Variants in NDUFA10 observed in about 807,000 individuals in gnomAD.
NDUFA10 encodes the protein NADH dehydrogenase [ubiquinone] 1 alpha subcomplex subunit 10, mitochondrial.
Under a neutral mutation model 47.8 loss-of-function variants are expected in NDUFA10, and 40 were observed. That is an observed-to-expected ratio of 0.84 (90% CI 0.65 to 1.09). The LOEUF is 1.09. Among genes scored for constraint, NDUFA10 ranks in the 50% least tolerant of loss-of-function variants. NDUFA10 has a pLI of 0.00. For synonymous variants in NDUFA10, 183 were observed against 172.2 expected, an observed-to-expected ratio of 1.06 and a Z score of -0.49; for missense variants, 413 against 451.1, an observed-to-expected ratio of 0.92 and a Z score of 0.76.
Position 239,960,483 on chromosome 2 carries a change from CAA to C in NDUFA10, c.*633_*634del. ...TGAGGACGGCCACGTGAATCTTTCT[CAA>C]CGTCTCTCTTAAAACATATTGTTCT... On this transcript the variant is annotated 3_prime_UTR_variant, in exon 10 of 10. Transcript: ENST00000252711. The C allele has an allele frequency of 1.0e-6, 1 of 990,840 alleles. No homozygotes were observed. The highest frequency in any genetic ancestry group is 5.6e-5 in the Admixed American group (1 of 17,734). 61.4% of individuals were successfully genotyped at this position (990,840 alleles called of 1,614,324 possible).
chr2:239,921,181 G>C (rs1272233268), intron 4 of NDUFA10, among the ~76,000 whole-genome samples: 2 of 152,132 alleles, frequency 1.3e-5, no homozygotes, highest in African/African-American at 4.8e-5. Context: ...GAGCCGTGTA[G>C]GTAGGCGAGT....
intron 9 of NDUFA10, among the ~76,000 whole-genome samples, chr2:239,985,184 T>C (rs368295474): frequency 6.6e-6 from 1 of 152,104 alleles, no homozygotes; most frequent in East Asian, 1.9e-4. Flanking sequence ...AACCAAACGT[T>C]AGGGACCAGA....
At chr2:240,011,127 G>C (rs1349793784) in intron 6 of NDUFA10, among the ~76,000 whole-genome samples, 1 of 152,102 alleles carries the variant, frequency 6.6e-6, no homozygotes, top group Admixed American at 6.6e-5. Context: ...AGAAAGAAAG[G>C]GGGAAAAGAA....
At chr2:239,996,417 A>G (rs1301295425) in intron 8 of NDUFA10, among the ~76,000 whole-genome samples, 5 of 152,262 alleles carry the variant, frequency 3.3e-5, no homozygotes, top group Non-Finnish European at 4.4e-5. Flanking sequence ...CCTGGAGATT[A>G]AACAACACAC....
At chr2:240,002,724 A>T (rs922723379) in intron 8 of NDUFA10, among the ~76,000 whole-genome samples, 4 of 152,118 alleles carry the variant, frequency 2.6e-5, no homozygotes, top group Non-Finnish European at 5.9e-5. Context: ...CATTCCACTA[A>T]CTAGAAAACT....
chr2:239,916,936 G>A (rs1283756495), intron 4 of NDUFA10, among the ~76,000 whole-genome samples: 1 of 152,246 alleles, frequency 6.6e-6, no homozygotes, highest in Non-Finnish European at 1.5e-5. Context: ...GAGCCATGGG[G>A]TGCTGGCACC....
chr2:239,962,027 G>C (rs1419990425), intron 9 of NDUFA10, among the ~76,000 whole-genome samples: 1 of 152,236 alleles, frequency 6.6e-6, no homozygotes, highest in Non-Finnish European at 1.5e-5. Context: ...GCCTGTTCAT[G>C]AGGGTAGGCG....
intron 4 of NDUFA10, among the ~76,000 whole-genome samples, chr2:239,930,295 C>G (rs112533250): frequency 1.3e-5 from 2 of 151,166 alleles, no homozygotes; most frequent in Non-Finnish European, 2.9e-5. Flanking sequence ...TCCTCTGCCA[C>G]CCCTGCTCCT....
In NDUFA10 at chr2:239,927,478, G is replaced by C. The variant is rs562418453; in HGVS notation, c.295-32164C>G. ...GCACAGTCATGTCCCAGGCCCTCAC[G>C]TTCACTCCCCACCCACTGGCTGACT... On this transcript the variant is annotated intron_variant, in intron 4 of 5. Transcript: ENST00000419408. Among the ~76,000 whole-genome samples, 3 of 152,202 alleles carry C rather than the reference G, an allele frequency of 2.0e-5. No individual in the cohort carries two copies. In the South Asian group the frequency reaches 6.2e-4, roughly 32 times the overall value.
At chr2:239,921,329 C>G (rs1693975852) in intron 4 of NDUFA10, among the ~76,000 whole-genome samples, 1 of 126,492 alleles carries the variant, frequency 7.9e-6, no homozygotes, top group Admixed American at 8.0e-5. Flanking sequence ...GGCACTGACC[C>G]AAAGAGTGGA....
At position 239,934,609 on chromosome 2, in the gene NDUFA10, G is replaced by A. The variant is rs181488263; in HGVS notation, c.295-39295C>T. On this transcript the variant is annotated intron_variant, in intron 4 of 5. Transcript: ENST00000419408. ...AACATTTATCCCTGTTTTGTACTGG[G>A]AGCATTCAACATCCTCCTTGTTTGA... 3.7e-3 allele frequency among the ~76,000 whole-genome samples: 560 copies of A among 152,268 alleles called. 4 individuals carry two copies. Among genetic ancestry groups the A allele is most frequent in the Non-Finnish European group, 4.9e-3 (336 of 68,042 alleles).
intron 8 of NDUFA10, among the ~76,000 whole-genome samples, chr2:240,003,507 G>A (rs1195656580): frequency 6.6e-6 from 1 of 152,178 alleles, no homozygotes; most frequent in Non-Finnish European, 1.5e-5. Context: ...TCAGGCCAAG[G>A]GCTCGAGACT....
At chr2:239,895,995 A>G (rs1409132362) in intron 4 of NDUFA10, among the ~76,000 whole-genome samples, 2 of 152,210 alleles carry the variant, frequency 1.3e-5, no homozygotes, top group Non-Finnish European at 2.9e-5. Context: ...AAAAAGTACA[A>G]TAGGGTCTTT....
rs1694105275 is a variant in NDUFA10, at chr2:239,928,598, C to T, written c.295-33284G>A. ...GCGACATCTCGTTTCCAACTATGCT[C>T]TCCCCACAGGTGACCTCATCCAGGG... is the stretch of plus-strand genomic sequence containing the variant. On this transcript the variant is annotated intron_variant, in intron 4 of 5. Coordinates refer to the NDUFA10 transcript ENST00000419408. This position sits in a 1 kb window ranked among gnomAD's most constrained non-coding sequence, Gnocchi z 4.3. 6.6e-6 allele frequency among the ~76,000 whole-genome samples: 1 copy of T among 152,172 alleles called. No individual in the cohort carries two copies. Among genetic ancestry groups the T allele is most frequent in the Non-Finnish European group, 1.5e-5 (1 of 68,038 alleles).
At chr2:239,981,487 G>A (rs1007959357) in intron 9 of NDUFA10, among the ~76,000 whole-genome samples, 3 of 152,168 alleles carry the variant, frequency 2.0e-5, no homozygotes, top group African/African-American at 4.8e-5. Flanking sequence ...GATGCAAATA[G>A]CACTGGCATA....
intron 4 of NDUFA10, among the ~76,000 whole-genome samples, chr2:239,930,522 A>G (rs1242530430): frequency 6.6e-6 from 1 of 151,782 alleles, no homozygotes; most frequent in African/African-American, 2.4e-5. Context: ...CAGTGGCTCC[A>G]GTCCCTCTGC....
intron 9 of NDUFA10, among the ~76,000 whole-genome samples, chr2:239,963,351 G>A (rs1574816748): frequency 6.6e-6 from 1 of 152,176 alleles, no homozygotes. Flanking sequence ...GGGCCAGGGG[G>A]ATCCCCCAAC....
chr2:239,980,641 G>A (rs1407836652), intron 9 of NDUFA10, among the ~76,000 whole-genome samples: 2 of 152,220 alleles, frequency 1.3e-5, no homozygotes, highest in African/African-American at 4.8e-5. Flanking sequence ...TAGCAAAACA[G>A]CAGCCCTAAT....
intron 9 of NDUFA10, among the ~76,000 whole-genome samples, chr2:239,975,576 T>C (rs554774465): frequency 6.6e-6 from 1 of 152,304 alleles, no homozygotes; most frequent in East Asian, 1.9e-4. Flanking sequence ...AATAGTGTCT[T>C]CTTGTGGCAA....
Sources: gnomAD v4.1 joint callset for allele counts (sites outside exome capture counted in the v4.1 genomes callset) on GRCh38, gnomAD v4.1.1 for gene constraint, Gnocchi (gnomAD v3.1) non-coding constraint, MANE v1.5 for transcripts, NCBI Gene and HGNC (gene_info 2026-07-23, HGNC 2026-07-21) for gene names.